Variants in FAAH2 observed in about 807,000 individuals in gnomAD.
FAAH2 encodes fatty-acid amide hydrolase 2.
In FAAH2, 60 loss-of-function variants were observed where a neutral mutation model predicts 36.9. That is an observed-to-expected ratio of 1.63 (90% confidence interval 1.32 to 2.02). The LOEUF is 2.02. Among genes scored for constraint, FAAH2 ranks in the 30% most tolerant of loss-of-function variants. The pLI is 0.00. For synonymous variants in FAAH2, 214 were observed against 143.8 expected (o/e 1.49, Z -3.49); for missense variants, 689 against 397.5 (o/e 1.73, Z -6.23).
chrX:57,389,803 A>C (rs1447774702), intron 7 of FAAH2, among the ~76,000 whole-genome samples: 2 of 110,678 alleles, frequency 1.8e-5, no homozygotes, highest in East Asian at 5.6e-4. Context: ...ACAAATTTAC[A>C]TTTCTACCAC....
chrX:57,264,117 C>T, the FAAH2 span, among the ~76,000 whole-genome samples: 1 of 111,200 alleles, frequency 9.0e-6, no homozygotes, highest in African/African-American at 3.3e-5. Context: ...TATAATATTT[C>T]AGAAAAAAAT....
At chrX:57,394,962 A>G in intron 7 of FAAH2, 1 of 584,095 alleles carries the variant, frequency 1.7e-6, no homozygotes, top group Admixed American at 2.2e-5. Context: ...ATGAGTTCCA[A>G]GCATCCTTTA....
rs772388776 is a variant in FAAH2, at chrX:57,393,576, T to A, written c.996+12547T>A. ...ACTGGAGTGCCCTCCAATCTCTGCA[T>A]GAGATTGGGCTTGATTGTGTCCTTC... is the stretch of plus-strand genomic sequence containing the variant. On this transcript the variant is annotated intron_variant, in intron 7 of 10. Coordinates refer to ENST00000374900, the MANE Select transcript of FAAH2 (RefSeq NM_174912.4). The A allele has an allele frequency of 3.1e-4, 286 of 914,016 alleles. 2 individuals carry two copies. The East Asian group carries it at 8.6e-3, about 28-fold the overall frequency. The allele number at this position is 914,016 out of a possible 1,213,427, so 75.3% of individuals were successfully genotyped here.
chrX:57,299,525 A>T (rs1165613483), intron 2 of FAAH2, among the ~76,000 whole-genome samples: 1 of 111,769 alleles, frequency 8.9e-6, no homozygotes, highest in African/African-American at 3.3e-5. Context: ...AACTGGAAGC[A>T]TTCCCTTTGA....
the FAAH2 span, among the ~76,000 whole-genome samples, chrX:57,148,564 C>A: frequency 9.0e-6 from 1 of 111,281 alleles, no homozygotes; most frequent in African/African-American, 3.3e-5. Flanking sequence ...CTCTGTTTGT[C>A]TGTTATTGGT....
At chrX:57,239,614 A>G in the FAAH2 span, among the ~76,000 whole-genome samples, 1 of 111,024 alleles carries the variant, frequency 9.0e-6, no homozygotes, top group Admixed American at 9.6e-5. Flanking sequence ...TTCATAGACA[A>G]TATGCTTAAA....
chrX:57,162,193 A>G, the FAAH2 span, among the ~76,000 whole-genome samples: 1 of 111,173 alleles, frequency 9.0e-6, no homozygotes, highest in Non-Finnish European at 1.9e-5. Context: ...TTGGCCCCCA[A>G]TCTCTTCTGG....
the FAAH2 span, among the ~76,000 whole-genome samples, chrX:57,239,474 T>TA: frequency 4.7e-5 from 5 of 106,651 alleles, no homozygotes; most frequent in African/African-American, 1.0e-4. Context: ...TGCAGCTCTT[T>TA]TATATATATA....
At chrX:57,427,809 G>A (rs1306023799) in intron 7 of FAAH2, among the ~76,000 whole-genome samples, 1 of 103,167 alleles carries the variant, frequency 9.7e-6, no homozygotes. Context: ...ACTGAATGGG[G>A]AAAAGTTGAA....
At chrX:57,216,722 C>T in the FAAH2 span, among the ~76,000 whole-genome samples, 11 of 96,418 alleles carry the variant, frequency 1.1e-4, no homozygotes, top group African/African-American at 2.2e-4. Context: ...TTAATTGTGC[C>T]GCTATAAACA....
chrX:57,196,491 A>G, the FAAH2 span, among the ~76,000 whole-genome samples: 10 of 111,260 alleles, frequency 9.0e-5, no homozygotes, highest in African/African-American at 2.6e-4. Context: ...TAGGTATACA[A>G]TCATATCGTT....
At chrX:57,457,150 G>C (rs1002317619) in intron 10 of FAAH2, among the ~76,000 whole-genome samples, 2 of 111,519 alleles carry the variant, frequency 1.8e-5, no homozygotes, top group African/African-American at 6.5e-5. Context: ...TCACCATACA[G>C]AAATCAATAA....
At chrX:57,142,454 T>C in the FAAH2 span, among the ~76,000 whole-genome samples, 32 of 112,582 alleles carry the variant, frequency 2.8e-4, no homozygotes, top group Admixed American at 2.5e-3. Flanking sequence ...TATTCCATTG[T>C]AGTTAGAAAA....
upstream of FAAH2, among the ~76,000 whole-genome samples, chrX:57,283,036 C>T (rs947368897): frequency 3.6e-5 from 4 of 112,135 alleles, no homozygotes; most frequent in Admixed American, 3.8e-4. Flanking sequence ...GAGCGGATAT[C>T]AACTGGTGCA....
the FAAH2 span, among the ~76,000 whole-genome samples, chrX:57,158,767 G>A: frequency 2.7e-5 from 3 of 111,552 alleles, no homozygotes; most frequent in Admixed American, 1.9e-4. Flanking sequence ...TGAGTAGATT[G>A]CAAAAATTTT....
chrX:57,414,522 T>C (rs886118968), intron 7 of FAAH2, among the ~76,000 whole-genome samples: 3 of 112,017 alleles, frequency 2.7e-5, no homozygotes, highest in African/African-American at 9.7e-5. Context: ...TTACATGTAT[T>C]GATTTGTGTA....
chrX:57,400,661 G>T (rs564460591), intron 7 of FAAH2, among the ~76,000 whole-genome samples: 1 of 112,583 alleles, frequency 8.9e-6, no homozygotes, highest in African/African-American at 3.2e-5. Context: ...CCTCTTAGTT[G>T]CTTTAGGGTT....
At chrX:57,457,367 C>T (rs185061570) in intron 10 of FAAH2, among the ~76,000 whole-genome samples, 2 of 111,073 alleles carry the variant, frequency 1.8e-5, no homozygotes, top group African/African-American at 6.5e-5. Context: ...AAAACTGGAA[C>T]GGTTCCCCTT....
chrX:57,462,857 G>A (rs1469994737), intron 10 of FAAH2, among the ~76,000 whole-genome samples: 1 of 112,107 alleles, frequency 8.9e-6, no homozygotes, highest in Admixed American at 9.4e-5. Flanking sequence ...TAGGAAGAGA[G>A]GAAGTCAAAT....
Sources: gnomAD v4.1 joint callset for allele counts (sites outside exome capture counted in the v4.1 genomes callset) on GRCh38, gnomAD v4.1.1 for gene constraint, MANE v1.5 for transcripts, NCBI Gene and HGNC (gene_info 2026-07-23, HGNC 2026-07-21) for gene names.